The following ENTPD6 variants were observed in gnomAD, a reference collection of about 807,000 sequenced individuals.
ENTPD6 encodes CD39 antigen-like 2.
In ENTPD6, 46 loss-of-function variants were observed where a neutral mutation model predicts 61.5. The ratio of observed to expected loss-of-function variants is 0.75; its 90% CI spans 0.59 to 0.96. The LOEUF is 0.96. ENTPD6 is among the 40% of genes least tolerant of loss of function. The pLI is 0.00. For synonymous variants in ENTPD6, 252 were observed against 255.5 expected, an observed-to-expected ratio of 0.99 and a Z score of 0.13; for missense variants, 612 against 629.0, an observed-to-expected ratio of 0.97 and a Z score of 0.29.
chr20:25,221,375 G>A, intron 11 of ENTPD6, 42 bp downstream of exon 11: 1 of 1,470,278 alleles, frequency 6.8e-7, no homozygotes, highest in Non-Finnish European at 9.5e-7. Flanking sequence ...GCGGGTGAGA[G>A]TGGTGGCCTC....
intron 10 of ENTPD6, among the ~76,000 whole-genome samples, chr20:25,218,855 T>G (rs192349651): frequency 5.8e-4 from 88 of 152,310 alleles, no homozygotes; most frequent in Non-Finnish European, 9.4e-4. Flanking sequence ...CAGGGTGGTG[T>G]TGTACCTGTC....
chr20:25,214,196 G>A (rs559996224), intron 5 of ENTPD6, among the ~76,000 whole-genome samples: 28 of 152,280 alleles, frequency 1.8e-4, no homozygotes, highest in Non-Finnish European at 3.2e-4. Context: ...CTCACCCTCC[G>A]TGCTGCCTCC....
intron 10 of ENTPD6, among the ~76,000 whole-genome samples, chr20:25,220,765 C>T (rs1228822796): frequency 6.6e-6 from 1 of 152,232 alleles, no homozygotes; most frequent in East Asian, 1.9e-4. Context: ...GATACTGGGG[C>T]CAGCCCTGGG....
chr20:25,200,880 C>G (rs1262254203), intron 1 of ENTPD6, among the ~76,000 whole-genome samples: 5 of 151,244 alleles, frequency 3.3e-5, no homozygotes, highest in Non-Finnish European at 7.4e-5. Flanking sequence ...TGTTCTTTTA[C>G]TAGTTACTTA....
At chr20:25,203,215 T>C (rs1219064942) in intron 1 of ENTPD6, among the ~76,000 whole-genome samples, 1 of 152,360 alleles carries the variant, frequency 6.6e-6, no homozygotes, top group East Asian at 1.9e-4. Context: ...TCTGCCTTTG[T>C]CTTTACACAG....
Position 25,225,264 on chromosome 20 carries a change from T to C in ENTPD6, c.1303T>C (p.Tyr435His), listed in dbSNP as rs779817115. The change falls in exon 14 of 15, where the codon TAC (tyrosine) becomes CAC (histidine). Residue 435 changes from tyrosine to histidine, a missense_variant. Coordinates refer to ENST00000376652, the MANE Select transcript of ENTPD6 (RefSeq NM_001247.5). The stretch of plus-strand genomic sequence containing the variant: ...CCCCTTCTCATGCATGGACCTCACC[T>C]ACGTCAGCCTGCTACTCCAGGAGTT... Reference protein sequence around the residue: ...SSPFSCMDLTYVSLLLQEFGF... With the variant: ...SSPFSCMDLTHVSLLLQEFGF... 2 of 1,613,612 alleles carry C rather than the reference T, an allele frequency of 1.2e-6. No homozygotes were observed. The highest frequency in any genetic ancestry group is 1.1e-5 in the South Asian group (1 of 91,050).
Position 25,225,318 on chromosome 20 carries a change from G to A in ENTPD6, c.1356+1G>A, listed in dbSNP as rs1330030164. ...CTTTCCCAGGAGCAAAGTGCTGAAG[G>A]TAAGGGTGCCCTCAGGTCACGCCCC... On this transcript the variant is annotated splice_donor_variant, in intron 14 of 14. Coordinates refer to ENST00000376652, the MANE Select transcript of ENTPD6 (RefSeq NM_001247.5). LOFTEE classifies it high-confidence loss of function. 1 of 1,612,710 alleles carries A rather than the reference G, an allele frequency of 6.2e-7. No homozygotes were observed. Among genetic ancestry groups the A allele is most frequent in the Non-Finnish European group, 8.5e-7 (1 of 1,179,876 alleles).
chr20:25,220,682 C>T (rs2092599592), intron 10 of ENTPD6, among the ~76,000 whole-genome samples: 1 of 152,250 alleles, frequency 6.6e-6, no homozygotes, highest in South Asian at 2.1e-4. Context: ...TCAAGGAAAG[C>T]AGGTCCAGGC....
rs2092792033 is a variant in ENTPD6, at chr20:25,226,237, C to T, written c.*640C>T. ...TTAATGATGGAGGGAGACACCTCCT[C>T]ATAGACGGCAGGTGCCCACCTTTCA... On this transcript the variant is annotated 3_prime_UTR_variant, in exon 15 of 15. Coordinates refer to ENST00000376652, the MANE Select transcript of ENTPD6 (RefSeq NM_001247.5). The T allele has an allele frequency of 6.5e-6, 1 of 152,764 alleles. No homozygotes were observed. Among genetic ancestry groups the T allele is most frequent in the Non-Finnish European group, 1.5e-5 (1 of 68,096 alleles). The allele number at this position is 152,764 out of a possible 1,614,324, so 9.5% of individuals were successfully genotyped here.
chr20:25,217,866 C>T, intron 9 of ENTPD6, among the ~76,000 whole-genome samples: 1 of 142,970 alleles, frequency 7.0e-6, no homozygotes, highest in South Asian at 2.4e-4. Context: ...ATAGTATACG[C>T]ACATTAACCC....
intron 1 of ENTPD6, 35 bp downstream of exon 1, chr20:25,195,902 C>G: frequency 8.1e-7 from 1 of 1,228,706 alleles, no homozygotes; most frequent in Non-Finnish European, 1.0e-6. Context: ...CGGGGGCGGC[C>G]GGGGATCACC....
intron 3 of ENTPD6, 66 bp from the exon 4 acceptor site, chr20:25,209,783 C>T: frequency 2.9e-6 from 4 of 1,384,510 alleles, no homozygotes; most frequent in Non-Finnish European, 3.1e-6. Flanking sequence ...TGTGGCTAGT[C>T]ATGATTGTAT....
In ENTPD6 at chr20:25,206,626, G is replaced by T. The variant is rs746701605; in HGVS notation, c.54+36G>T. ...GGCTCTCAGTAGTTGCCCAAGGGACGGAGTTTAAACCTTTCGAAAAGTAAA... is the reference window on the plus strand; with the variant it reads ...GGCTCTCAGTAGTTGCCCAAGGGACTGAGTTTAAACCTTTCGAAAAGTAAA... On this transcript the variant is annotated intron_variant, in intron 2 of 14. Coordinates refer to ENST00000376652, the MANE Select transcript of ENTPD6 (RefSeq NM_001247.5). The T allele has an allele frequency of 2.0e-6, 3 of 1,513,588 alleles. No individual in the cohort carries two copies. In the South Asian group the frequency reaches 3.4e-5, roughly 17 times the overall value. 93.8% of individuals were successfully genotyped at this position (1,513,588 alleles called of 1,614,324 possible). A position where few individuals can be genotyped will look rare whatever the true frequency, so the allele number is the denominator to read the frequency against.
At chr20:25,198,651 A>C (rs997818054) in intron 1 of ENTPD6, among the ~76,000 whole-genome samples, 1 of 152,194 alleles carries the variant, frequency 6.6e-6, no homozygotes, top group Non-Finnish European at 1.5e-5. Context: ...AGAAACCTGA[A>C]ACTTTGGGTT....
rs749547805 is a variant in ENTPD6 at position 25,224,153 on chromosome 20, G to A, written c.1239G>A (p.Lys413=). 11 of 1,611,862 alleles carry A rather than the reference G, an allele frequency of 6.8e-6. No homozygotes were observed. The highest frequency in any genetic ancestry group is 1.3e-5 in the African/African-American group (1 of 74,902). Residue 413 remains lysine, a synonymous_variant, in exon 13 of 15, where the codon AAG becomes AAA. Coordinates refer to ENST00000376652, the MANE Select transcript of ENTPD6 (RefSeq NM_001247.5). ...LVVGDFEIAA[K]YVCRTLETQP... is the part of the protein sequence containing the mutation. ...TGGGGGACTTCGAGATCGCAGCCAAGTACGGTGAGTGATGCTGCAGGGGCC... is the reference window on the plus strand; with the variant it reads ...TGGGGGACTTCGAGATCGCAGCCAAATACGGTGAGTGATGCTGCAGGGGCC...
rs1313522385 is a variant in ENTPD6, at chr20:25,227,056, C to T, written c.*1459C>T. Among the ~76,000 whole-genome samples, 2 of 152,252 alleles carry T rather than the reference C, an allele frequency of 1.3e-5. No homozygotes were observed. The highest frequency in any genetic ancestry group is 2.4e-5 in the African/African-American group (1 of 41,470). On this transcript the variant is annotated 3_prime_UTR_variant, in exon 15 of 15. Coordinates refer to ENST00000376652, the MANE Select transcript of ENTPD6 (RefSeq NM_001247.5). ...TGTTCAGCAAGGATCTGGTTTTGGT[C>T]TGGAAGCGTCCCAAAGGTGTCGCAT...
chr20:25,215,548 G>T, intron 6 of ENTPD6, 128 bp from the exon 7 acceptor site: 1 of 879,806 alleles, frequency 1.1e-6, no homozygotes, highest in Non-Finnish European at 1.9e-6. Context: ...ATGATCTGAA[G>T]GCTGGGTGTA....
rs867520680 is a variant in ENTPD6 at position 25,207,892 on chromosome 20, G to C, written c.376+495G>C. The stretch of plus-strand genomic sequence containing the variant: ...ATAAGGGAGCTGGAGCCTGGGCTTC[G>C]TTGGCTATGCTTCTAGGGTGGGCCT... On this transcript the variant is annotated intron_variant, in intron 3 of 14. Transcript: ENST00000376652. 5.3e-5 allele frequency among the ~76,000 whole-genome samples: 8 copies of C among 152,218 alleles called. 1 individual carries two copies. Among genetic ancestry groups the C allele is most frequent in the Admixed American group, 4.6e-4 (7 of 15,288 alleles).
intron 1 of ENTPD6, among the ~76,000 whole-genome samples, chr20:25,197,629 C>A (rs6050426): frequency 1.3e-5 from 2 of 151,970 alleles, no homozygotes; most frequent in Admixed American, 1.3e-4. Context: ...AATGAAATTG[C>A]TGTTTAGATC....
Sources: gnomAD v4.1 joint callset for allele counts (sites outside exome capture counted in the v4.1 genomes callset) on GRCh38, gnomAD v4.1.1 for gene constraint, MANE v1.5 for transcripts, NCBI Gene and HGNC (gene_info 2026-07-23, HGNC 2026-07-21) for gene names.